The following PP2D1 variants were observed in gnomAD, a reference collection of about 807,000 sequenced individuals.
PP2D1 encodes the protein protein phosphatase 2C-like domain-containing protein 1.
In PP2D1, 25 loss-of-function variants were observed where a neutral mutation model predicts 30.2. The ratio of observed to expected loss-of-function variants is 0.83; its 90% CI spans 0.60 to 1.16. PP2D1 has a LOEUF of 1.16. PP2D1 is among the 50% of genes most tolerant of loss of function. PP2D1 has a pLI of 0.00. For missense variants in PP2D1, 760 were observed against 742.4 expected (o/e 1.02, Z -0.28); for synonymous variants, 260 against 258.9 (o/e 1.00, Z -0.04).
intron 1 of PP2D1, among the ~76,000 whole-genome samples, chr3:20,003,231 C>G (rs1422442907): frequency 6.6e-6 from 1 of 151,582 alleles, no homozygotes; most frequent in African/African-American, 2.4e-5. Flanking sequence ...TCAGACAGGC[C>G]CTCCAGGAGG....
intron 1 of PP2D1, among the ~76,000 whole-genome samples, chr3:20,005,506 A>G (rs1420973269): frequency 6.6e-6 from 1 of 152,164 alleles, no homozygotes; most frequent in East Asian, 1.9e-4. Flanking sequence ...AACTCAGTTC[A>G]TATATAAATT....
intron 2 of PP2D1, among the ~76,000 whole-genome samples, chr3:19,986,716 T>C (rs540089228): frequency 1.3e-5 from 2 of 152,264 alleles, no homozygotes; most frequent in African/African-American, 2.4e-5. Flanking sequence ...CTTAACTAGG[T>C]TGCTATAATG....
Position 19,985,635 on chromosome 3 carries a change from G to A in PP2D1, c.1638C>T (p.Asn546=), listed in dbSNP as rs1364800406. The change falls in exon 3 of 3, where the codon AAC becomes AAT. Residue 546 remains asparagine (N), a synonymous_variant. Coordinates refer to ENST00000389050, the MANE Select transcript of PP2D1 (RefSeq NM_001252657.2). The part of the protein sequence containing the change: ...DSNYSKYCIY[N]PENVETFPAE... ...CTGGAAATGTTTCTACATTCTCAGG[G>A]TTATAAATACAGTATTTAGAATAGT... is the stretch of plus-strand genomic sequence containing the variant. 3 of 1,535,832 alleles carry A rather than the reference G, an allele frequency of 2.0e-6. No individual in the cohort carries two copies. Among genetic ancestry groups the A allele is most frequent in the East Asian group, 2.4e-5 (1 of 40,900 alleles).
In PP2D1 at chr3:20,002,030, T is replaced by C. The variant is rs991509381; in HGVS notation, c.90A>G (p.Leu30=). Residue 30 remains leucine (L), a synonymous_variant, in exon 2 of 3, where the codon CTA becomes CTG. Transcript: ENST00000389050. ...TSTFDSDEDI[L]LLPKRKRFRK... is the part of the protein sequence containing the mutation. ...TAAAACGTTTTCTTTTGGGTAAAAG[T>C]AGAATATCCTCATCTGAATCAAATG... The C allele has an allele frequency of 9.1e-6, 14 of 1,535,432 alleles. No homozygotes were observed. The highest frequency in any genetic ancestry group is 5.5e-5 in the African/African-American group (4 of 73,052).
chr3:19,993,658 T>C (rs1697143468), intron 2 of PP2D1, among the ~76,000 whole-genome samples: 1 of 151,864 alleles, frequency 6.6e-6, no homozygotes, highest in Non-Finnish European at 1.5e-5. Context: ...GCTTGGACCC[T>C]GAATCCGGGA....
chr3:19,995,203 A>G (rs1269472114), intron 2 of PP2D1, among the ~76,000 whole-genome samples: 1 of 152,146 alleles, frequency 6.6e-6, no homozygotes, highest in Non-Finnish European at 1.5e-5. Flanking sequence ...CAACCTGTCA[A>G]TGTGTTCTTA....
At chr3:19,984,101 A>G (rs1696986381), downstream of PP2D1, 1 of 414,232 alleles carries the variant, frequency 2.4e-6, no homozygotes, top group Non-Finnish European at 4.5e-6. Context: ...CACTAGGAAT[A>G]TAGACAAATG....
intron 2 of PP2D1, among the ~76,000 whole-genome samples, chr3:19,990,847 A>C (rs1464610986): frequency 6.6e-6 from 1 of 150,758 alleles, no homozygotes; most frequent in East Asian, 1.9e-4. Context: ...GAAGATTATT[A>C]AATATCACTG....
At position 19,987,037 on chromosome 3, in the gene PP2D1, CAA is replaced by C. The variant is rs36014617; in HGVS notation, c.1091-857_1091-856del. Reference sequence around the variant, plus strand: ...GGGCAACAAGAGCAAAAATCTGCCTCAAAAAAAAAAAAAAAAATCATTCCTGT... The same window carrying C: ...GGGCAACAAGAGCAAAAATCTGCCTCAAAAAAAAAAAAAAATCATTCCTGT... On this transcript the variant is annotated intron_variant, in intron 2 of 2. Transcript: ENST00000389050. Among the ~76,000 whole-genome samples, 1,073 of 116,402 alleles carry C rather than the reference CAA, an allele frequency of 9.2e-3. 10 individuals are homozygous for C. Among genetic ancestry groups the C allele is most frequent in the African/African-American group, 0.027 (822 of 30,326 alleles). The allele number at this position is 116,402 out of a possible 152,430, so 76.4% of individuals were successfully genotyped here.
intron 2 of PP2D1, chr3:19,996,895 G>A (rs1379227421): frequency 2.0e-5 from 3 of 152,026 alleles, no homozygotes; most frequent in East Asian, 3.8e-4. Context: ...TCACCGTGAC[G>A]ACTTGTAATA....
intron 2 of PP2D1, among the ~76,000 whole-genome samples, chr3:19,993,667 G>A (rs907787345): frequency 2.0e-5 from 3 of 152,158 alleles, no homozygotes; most frequent in Non-Finnish European, 4.4e-5. Flanking sequence ...CTGAATCCGG[G>A]AGGTGGAGGT....
intron 1 of PP2D1, among the ~76,000 whole-genome samples, chr3:20,002,381 G>A (rs377263964): frequency 6.6e-6 from 1 of 152,130 alleles, no homozygotes; most frequent in Non-Finnish European, 1.5e-5. Flanking sequence ...ACATGCGAAA[G>A]TATGTATTTG....
chr3:20,002,951 A>C (rs978051812), intron 1 of PP2D1, among the ~76,000 whole-genome samples: 3 of 152,096 alleles, frequency 2.0e-5, no homozygotes, highest in Admixed American at 6.6e-5. Flanking sequence ...GTTACTCAGG[A>C]GGCTGAGGCA....
exon 4 of PP2D1, chr3:19,979,966 G>T (rs1462307115): frequency 1.3e-5 from 2 of 152,182 alleles, no homozygotes; most frequent in African/African-American, 4.8e-5. Flanking sequence ...CCCAGTAAAA[G>T]TTGCAAGTAT....
Position 20,001,942 on chromosome 3 carries a change from G to C in PP2D1, c.178C>G (p.Gln60Glu). Reference sequence around the variant, plus strand: ...ATGGAACAGGGTAATGTGGTCCCTTGCTCATAGACCTGCTCCTCTTCATGG... The same window carrying C: ...ATGGAACAGGGTAATGTGGTCCCTTCCTCATAGACCTGCTCCTCTTCATGG... The part of the protein sequence containing the change: ...KRHEEEQVYE[Q>E]GTTLPCSICK... Residue 60 changes from glutamine to glutamate, a missense_variant, in exon 2 of 3, where the codon CAA (glutamine) becomes GAA (glutamate). This residue lies in a region of PP2D1 where 374 missense variants were observed against 388.8 expected (regional missense o/e 0.96). Transcript: ENST00000389050. 6.5e-7 allele frequency: 1 copy of C among 1,536,360 alleles called. No homozygotes were observed.
intron 1 of PP2D1, among the ~76,000 whole-genome samples, chr3:20,002,527 C>T (rs73176093): frequency 0.03 from 4,527 of 152,288 alleles, 224 homozygotes; most frequent in African/African-American, 0.099. Context: ...TGCCTAGTGA[C>T]ATCATTGTTG....
chr3:19,980,135 C>T (rs1696895185), exon 4 of PP2D1: 1 of 152,178 alleles, frequency 6.6e-6, no homozygotes. Context: ...TGATAATATA[C>T]TCATTTTACA....
chr3:19,987,684 C>G (rs1050121498), intron 2 of PP2D1, among the ~76,000 whole-genome samples: 2 of 152,160 alleles, frequency 1.3e-5, no homozygotes, highest in East Asian at 3.9e-4. Flanking sequence ...CTGAGGCAGG[C>G]AAATCACTTG....
intron 2 of PP2D1, chr3:19,996,820 G>C (rs1394050415): frequency 6.6e-6 from 1 of 152,106 alleles, no homozygotes; most frequent in Non-Finnish European, 1.5e-5. Context: ...TGCAGAGGCA[G>C]TATCATAGCC....
Sources: gnomAD v4.1 joint callset for allele counts (sites outside exome capture counted in the v4.1 genomes callset) on GRCh38, gnomAD v4.1.1 for gene constraint, gnomAD v4.1.1 regional missense constraint, MANE v1.5 for transcripts, NCBI Gene and HGNC (gene_info 2026-07-23, HGNC 2026-07-21) for gene names.